The following RAPGEF6 variants were observed in gnomAD, a reference collection of about 807,000 sequenced individuals.
RAPGEF6 encodes the protein PDZ domain containing guanine nucleotide exchange factor (GEF) 2.
A neutral mutation model predicts 171.4 loss-of-function variants in RAPGEF6; 56 were observed. The ratio of observed to expected loss-of-function variants is 0.33; its 90% CI spans 0.26 to 0.41. The LOEUF is 0.41. Ranked by LOEUF, RAPGEF6 falls within the 10% of genes least tolerant of loss-of-function variation. The pLI, the probability that RAPGEF6 is intolerant of heterozygous loss-of-function variation, is 1.00. For synonymous variants in RAPGEF6, 692 were observed against 650.1 expected (o/e 1.06, Z -0.98); for missense variants, 1,674 against 1,921.4 (o/e 0.87, Z 2.41).
intron 21 of RAPGEF6, 121 bp from the exon 22 acceptor site, chr5:131,446,824 G>T: frequency 2.2e-6 from 2 of 924,232 alleles, no homozygotes; most frequent in Non-Finnish European, 3.2e-6. Flanking sequence ...TGAGTTAAAA[G>T]ATGAAGAGCA....
intron 13 of RAPGEF6, 95 bp downstream of exon 13, chr5:131,495,456 GAC>G: frequency 3.4e-6 from 3 of 870,634 alleles, no homozygotes; most frequent in Non-Finnish European, 5.4e-6. Context: ...GGACATTTAA[GAC>G]ACAGGAAAGA....
chr5:131,437,940 C>CTTTTTT (rs796662385), intron 24 of RAPGEF6, among the ~76,000 whole-genome samples: 1 of 148,846 alleles, frequency 6.7e-6, no homozygotes, highest in Non-Finnish European at 1.5e-5. Flanking sequence ...TTCTTTTCCT[C>CTTTTTT]TTTTTTTTTT....
intron 6 of RAPGEF6, among the ~76,000 whole-genome samples, chr5:131,528,361 A>G (rs1759131338): frequency 7.4e-6 from 1 of 135,644 alleles, no homozygotes; most frequent in African/African-American, 2.8e-5. Flanking sequence ...ACATATATAT[A>G]TATGGCAGTA....
At chr5:131,469,161 A>G (rs1190983377) in intron 17 of RAPGEF6, among the ~76,000 whole-genome samples, 3 of 152,346 alleles carry the variant, frequency 2.0e-5, no homozygotes, top group South Asian at 4.1e-4. Context: ...CTAAAGTGAA[A>G]CAGTTAAGTG....
At chr5:131,579,342 G>A (rs1383479815) in intron 4 of RAPGEF6, among the ~76,000 whole-genome samples, 1 of 152,214 alleles carries the variant, frequency 6.6e-6, no homozygotes. Flanking sequence ...TTTCCACAGT[G>A]TGGAAGGGGA....
intron 15 of RAPGEF6, among the ~76,000 whole-genome samples, chr5:131,487,939 G>C (rs1345675291): frequency 6.6e-6 from 1 of 152,096 alleles, no homozygotes; most frequent in Non-Finnish European, 1.5e-5. Flanking sequence ...TAATTTAATA[G>C]ATAAATTAAA....
intron 6 of RAPGEF6, among the ~76,000 whole-genome samples, chr5:131,539,263 A>G (rs776609073): frequency 1.3e-5 from 2 of 152,222 alleles, no homozygotes; most frequent in African/African-American, 4.8e-5. Context: ...ATGAAATACC[A>G]TATTAAAAAC....
intron 18 of RAPGEF6, chr5:131,463,794 A>T: frequency 9.0e-7 from 1 of 1,112,698 alleles, no homozygotes; most frequent in Non-Finnish European, 1.1e-6. Context: ...TAGTAGATAC[A>T]GTCATTCAGA....
chr5:131,443,622 T>C (rs2149814783), intron 22 of RAPGEF6, among the ~76,000 whole-genome samples: 1 of 152,302 alleles, frequency 6.6e-6, no homozygotes, highest in Admixed American at 6.5e-5. Context: ...ACCCAAATCC[T>C]TAAAACAAGG....
At position 131,514,432 on chromosome 5, in the gene RAPGEF6, C is replaced by T. The variant is rs552955031; in HGVS notation, c.628-3941G>A. 1.2e-4 allele frequency among the ~76,000 whole-genome samples: 18 copies of T among 151,400 alleles called. No individual in the cohort carries two copies. The South Asian group carries it at 3.5e-3, about 30-fold the overall frequency. ...ATAATTAGGTAAGAATTTTTTTCAA[C>T]GTAATATCCACAATGTTCAGCATAC... On this transcript the variant is annotated intron_variant, in intron 7 of 27. Coordinates refer to ENST00000509018, the MANE Select transcript of RAPGEF6 (RefSeq NM_016340.6).
chr5:131,512,237 C>G lies in RAPGEF6; in HGVS notation c.628-1746G>C, dbSNP rs138498847. Among the ~76,000 whole-genome samples the G allele has an allele frequency of 2.7e-3, 412 of 152,180 alleles. 2 individuals carry two copies. Among genetic ancestry groups the G allele is most frequent in the Non-Finnish European group, 3.9e-3 (267 of 68,006 alleles). On this transcript the variant is annotated intron_variant, in intron 7 of 27. Coordinates refer to ENST00000509018, the MANE Select transcript of RAPGEF6 (RefSeq NM_016340.6). ...AGCAAGCAAGGAAAAATAAGCAAGCCGTACGGAGCCAAAAGACCAGAAACA... is the reference window on the plus strand; with the variant it reads ...AGCAAGCAAGGAAAAATAAGCAAGCGGTACGGAGCCAAAAGACCAGAAACA...
intron 7 of RAPGEF6, among the ~76,000 whole-genome samples, chr5:131,516,699 A>G (rs1758106501): frequency 6.6e-6 from 1 of 152,234 alleles, no homozygotes; most frequent in African/African-American, 2.4e-5. Flanking sequence ...GAATCTAGAA[A>G]GAAGTACTCC....
chr5:131,567,849 T>C (rs1434841017), intron 4 of RAPGEF6, among the ~76,000 whole-genome samples: 1 of 152,208 alleles, frequency 6.6e-6, no homozygotes, highest in East Asian at 1.9e-4. Flanking sequence ...ATTCTGTCAG[T>C]TTTTACTTCA....
At chr5:131,608,071 T>C (rs1764715070) in intron 1 of RAPGEF6, among the ~76,000 whole-genome samples, 1 of 152,204 alleles carries the variant, frequency 6.6e-6, no homozygotes, top group Non-Finnish European at 1.5e-5. Context: ...TTTTAGGCTG[T>C]CACAATTTTG....
At position 131,442,946 on chromosome 5, in the gene RAPGEF6, C is replaced by T. The variant is rs773141248; in HGVS notation, c.3422-409G>A. 1.0e-3 allele frequency among the ~76,000 whole-genome samples: 147 copies of T among 146,750 alleles called. No homozygotes were observed. In the Middle Eastern group the frequency reaches 0.028, roughly 28 times the overall value. The stretch of plus-strand genomic sequence containing the variant: ...GGGATTACAGGCACCTGCCACAAAA[C>T]CTGGCTTTTTTTTTTGTTTTTTTTA... On this transcript the variant is annotated intron_variant, in intron 22 of 27. Transcript: ENST00000509018.
Position 131,464,052 on chromosome 5 carries a change from T to C in RAPGEF6, c.2469A>G (p.Gln823=). The change falls in exon 18 of 28, where the codon CAA becomes CAG. Residue 823 remains glutamine, a synonymous_variant. Transcript: ENST00000509018. ...DQFSKLADRI[Q]LNGRYYLKNN... ...ATAAGCTTATTCACCTTCCATTGAG[T>C]TGAATTCTATCAGCTAATTTGGAGA... 1 of 1,596,414 alleles carries C rather than the reference T, an allele frequency of 6.3e-7. No homozygotes were observed. Among genetic ancestry groups the C allele is most frequent in the Non-Finnish European group, 8.5e-7 (1 of 1,170,798 alleles).
chr5:131,428,776 AC>A, intron 27 of RAPGEF6, 125 bp downstream of exon 27: 1 of 1,090,948 alleles, frequency 9.2e-7, no homozygotes, highest in South Asian at 1.6e-5. Flanking sequence ...GGAACTTCTT[AC>A]TTTTTAACAG....
chr5:131,461,755 T>A lies in RAPGEF6; in HGVS notation c.2814A>T (p.Ala938=). The A allele has an allele frequency of 6.2e-7, 1 of 1,608,914 alleles. No homozygotes were observed. The change falls in exon 19 of 28, where the codon GCA becomes GCT. Residue 938 remains alanine (A), a synonymous_variant. Transcript: ENST00000509018. The part of the protein sequence containing the change: ...MKIIKHFIKI[A]LHCRECKNFN... ...AGTTCTTACATTCTCGACAATGAAG[T>A]GCAATTTTAATAAAATGCTTAATAA...
intron 6 of RAPGEF6, among the ~76,000 whole-genome samples, chr5:131,527,088 A>G (rs1305038613): frequency 1.3e-5 from 2 of 152,170 alleles, no homozygotes; most frequent in South Asian, 2.1e-4. Context: ...AAGAGCTACT[A>G]TATTTCTCAG....
Sources: allele counts gnomAD v4.1 joint callset (sites outside exome capture counted in the v4.1 genomes callset), GRCh38; gene constraint gnomAD v4.1.1; transcripts MANE v1.5; gene names NCBI Gene and HGNC (gene_info 2026-07-23, HGNC 2026-07-21).